The following PAPPA2 variants were observed in gnomAD, a reference collection of about 807,000 sequenced individuals.
PAPPA2 encodes pappalysin-2.
In PAPPA2, 86 loss-of-function variants were observed where a neutral mutation model predicts 176.4. The ratio of observed to expected loss-of-function variants is 0.49; its 90% CI spans 0.41 to 0.58. The LOEUF (loss-of-function observed/expected upper bound fraction) is 0.58, where lower values mean the gene tolerates loss of function less well. PAPPA2 is among the 20% of genes least tolerant of loss of function. The pLI is 0.00. For missense variants in PAPPA2, 2,073 were observed against 2,256.9 expected (o/e 0.92, Z 1.65); for synonymous variants, 809 against 852.2 (o/e 0.95, Z 0.88).
intron 21 of PAPPA2, 90 bp downstream of exon 21, chr1:176,800,222 T>A: frequency 8.1e-7 from 1 of 1,241,680 alleles, no homozygotes; most frequent in Non-Finnish European, 1.2e-6. Flanking sequence ...TAGGACCTGG[T>A]CCCTCTCCTA....
chr1:176,685,346 A>G (rs1277798320), intron 4 of PAPPA2, among the ~76,000 whole-genome samples: 2 of 152,158 alleles, frequency 1.3e-5, no homozygotes. Context: ...GCTTCTAAGG[A>G]GTGTTTCCCC....
chr1:176,606,289 G>A (rs1272005788), intron 3 of PAPPA2, among the ~76,000 whole-genome samples: 1 of 152,056 alleles, frequency 6.6e-6, no homozygotes, highest in African/African-American at 2.4e-5. Context: ...ATTCTATATT[G>A]TGTGTTAAGT....
chr1:176,612,655 C>T (rs941229051), intron 3 of PAPPA2, among the ~76,000 whole-genome samples: 2 of 152,084 alleles, frequency 1.3e-5, no homozygotes, highest in Non-Finnish European at 2.9e-5. Flanking sequence ...GAAATTTCTC[C>T]TGGGGACTAC....
chr1:176,554,428 G>A (rs140801536), intron 1 of PAPPA2, among the ~76,000 whole-genome samples: 3 of 152,298 alleles, frequency 2.0e-5, no homozygotes, highest in South Asian at 2.1e-4. Context: ...GAACCATGCC[G>A]TGTGTTTGTC....
intron 4 of PAPPA2, among the ~76,000 whole-genome samples, chr1:176,672,577 A>G (rs1037855335): frequency 2.7e-5 from 4 of 148,944 alleles, no homozygotes; most frequent in Non-Finnish European, 6.0e-5. Flanking sequence ...CGATAGACCA[A>G]AAAAAAAAAG....
chr1:176,750,865 T>A (rs892825967), intron 14 of PAPPA2, among the ~76,000 whole-genome samples: 1 of 152,174 alleles, frequency 6.6e-6, no homozygotes, highest in Non-Finnish European at 1.5e-5. Flanking sequence ...TGGTCCTATA[T>A]GCAAAGCAAA....
intron 1 of PAPPA2, among the ~76,000 whole-genome samples, chr1:176,537,922 A>G (rs1341632005): frequency 1.3e-5 from 2 of 151,688 alleles, no homozygotes; most frequent in African/African-American, 2.4e-5. Context: ...TGTTTCATGG[A>G]TTCCTTCTTC....
chr1:176,520,130 G>T (rs1649132666), intron 1 of PAPPA2, among the ~76,000 whole-genome samples: 1 of 152,156 alleles, frequency 6.6e-6, no homozygotes, highest in Non-Finnish European at 1.5e-5. Flanking sequence ...TCTTACTCTA[G>T]ACAAGGAACA....
At chr1:176,571,803 T>A (rs1652351988) in intron 2 of PAPPA2, among the ~76,000 whole-genome samples, 1 of 152,156 alleles carries the variant, frequency 6.6e-6, no homozygotes, top group Admixed American at 6.5e-5. Flanking sequence ...GGAGATAGAG[T>A]TATGTGATTA....
At chr1:176,814,949 G>C (rs559111001) in intron 21 of PAPPA2, among the ~76,000 whole-genome samples, 2 of 152,208 alleles carry the variant, frequency 1.3e-5, no homozygotes, top group South Asian at 4.1e-4. Flanking sequence ...TTGTTTTGAG[G>C]TATGTTCCTT....
chr1:176,728,250 A>G (rs1041668508), intron 12 of PAPPA2, among the ~76,000 whole-genome samples: 3 of 151,906 alleles, frequency 2.0e-5, no homozygotes, highest in Non-Finnish European at 2.9e-5. Context: ...ACTTTATGAG[A>G]TATAAAAGAA....
chr1:176,701,051 T>TACACACACACAC (rs374838543), intron 8 of PAPPA2, among the ~76,000 whole-genome samples: 24 of 148,386 alleles, frequency 1.6e-4, no homozygotes, highest in South Asian at 4.3e-4. Context: ...CACACACACA[T>TACACACACACAC]ACACACACAC....
chr1:176,554,631 A>G (rs1651160278), intron 1 of PAPPA2, among the ~76,000 whole-genome samples: 2 of 152,060 alleles, frequency 1.3e-5, no homozygotes. Flanking sequence ...CATTTTTGTA[A>G]ATTACTTATT....
intron 3 of PAPPA2, among the ~76,000 whole-genome samples, chr1:176,615,783 A>G (rs565395483): frequency 6.6e-5 from 10 of 152,234 alleles, no homozygotes; most frequent in Non-Finnish European, 1.5e-4. Flanking sequence ...ACAAATCACC[A>G]TGTAAGCCCT....
intron 8 of PAPPA2, 99 bp from the exon 9 acceptor site, chr1:176,702,508 C>T: frequency 6.6e-7 from 1 of 1,507,930 alleles, no homozygotes; most frequent in South Asian, 1.3e-5. Context: ...TTATGTTTCC[C>T]ATAATATTTC....
intron 14 of PAPPA2, among the ~76,000 whole-genome samples, chr1:176,749,512 T>G (rs1344054856): frequency 6.6e-6 from 1 of 152,230 alleles, no homozygotes; most frequent in Non-Finnish European, 1.5e-5. Flanking sequence ...ACATTCTATG[T>G]GCTTGGGCAA....
chr1:176,768,152 C>T (rs1177219596), intron 15 of PAPPA2, among the ~76,000 whole-genome samples: 6 of 152,130 alleles, frequency 3.9e-5, no homozygotes, highest in African/African-American at 1.4e-4. Context: ...GTTGGCTGCA[C>T]GTTTTTCAAA....
chr1:176,833,660 G>C (rs563121126), intron 21 of PAPPA2, among the ~76,000 whole-genome samples: 7 of 152,298 alleles, frequency 4.6e-5, no homozygotes, highest in African/African-American at 1.7e-4. Flanking sequence ...ATGGTTTATA[G>C]AGGGGTAATT....
At chr1:176,713,582 A>G (rs546260154) in intron 12 of PAPPA2, among the ~76,000 whole-genome samples, 3 of 152,124 alleles carry the variant, frequency 2.0e-5, no homozygotes, top group Admixed American at 2.0e-4. Flanking sequence ...CTTTCCTGTC[A>G]TTTTCAAAAC....
Sources: allele counts gnomAD v4.1 joint callset (sites outside exome capture counted in the v4.1 genomes callset), GRCh38; gene constraint gnomAD v4.1.1; transcripts MANE v1.5; gene names NCBI Gene and HGNC (gene_info 2026-07-23, HGNC 2026-07-21).